ZNF503: variants seen among roughly 807,000 people sequenced by gnomAD.
ZNF503 encodes zinc finger protein 503.
In ZNF503, 15 loss-of-function variants were observed where a neutral mutation model predicts 34.4. That is an observed-to-expected ratio of 0.44 (90% confidence interval 0.29 to 0.67). ZNF503 has a LOEUF of 0.67. ZNF503 is among the 30% of genes least tolerant of loss of function. The pLI is 0.13. For synonymous variants in ZNF503, 580 were observed against 456.8 expected, an observed-to-expected ratio of 1.27 and a Z score of -3.44; for missense variants, 1,007 against 926.8, an observed-to-expected ratio of 1.09 and a Z score of -1.12.
the ZNF503 span, among the ~76,000 whole-genome samples, chr10:75,347,613 GC>G: frequency 2.6e-5 from 4 of 152,210 alleles, no homozygotes; most frequent in African/African-American, 9.7e-5. Context: ...GGGGGGCCCA[GC>G]CCCAGCCTTC....
the ZNF503 span, among the ~76,000 whole-genome samples, chr10:75,310,383 A>C: frequency 6.6e-6 from 1 of 152,216 alleles, no homozygotes; most frequent in African/African-American, 2.4e-5. Flanking sequence ...AAGAGCGTAG[A>C]CTAAAAACAA....
At chr10:75,335,905 C>A in the ZNF503 span, among the ~76,000 whole-genome samples, 1 of 152,178 alleles carries the variant, frequency 6.6e-6, no homozygotes, top group Non-Finnish European at 1.5e-5. Context: ...TCCTTCCAGA[C>A]CTTTTGCTGA....
the ZNF503 span, among the ~76,000 whole-genome samples, chr10:75,312,535 G>A: frequency 7.2e-5 from 11 of 152,142 alleles, no homozygotes; most frequent in African/African-American, 2.4e-4. Context: ...GTAAGGAAAG[G>A]AGAAAGAGAG....
the ZNF503 span, among the ~76,000 whole-genome samples, chr10:75,387,917 C>T: frequency 6.6e-6 from 1 of 152,136 alleles, no homozygotes; most frequent in Non-Finnish European, 1.5e-5. Flanking sequence ...AGATGGGCTG[C>T]CAGAATCATC....
At chr10:75,311,027 G>A in the ZNF503 span, among the ~76,000 whole-genome samples, 1 of 152,176 alleles carries the variant, frequency 6.6e-6, no homozygotes, top group African/African-American at 2.4e-5. Flanking sequence ...AGAACTAATA[G>A]GATAGATGTA....
chr10:75,323,862 C>T, the ZNF503 span, among the ~76,000 whole-genome samples: 89 of 152,000 alleles, frequency 5.9e-4, no homozygotes, highest in African/African-American at 2.0e-3. Flanking sequence ...ATTAGCCGGG[C>T]ATGGTGGTGT....
At chr10:75,395,858 A>C (rs1187201051), downstream of ZNF503, among the ~76,000 whole-genome samples, 2 of 152,224 alleles carry the variant, frequency 1.3e-5, no homozygotes, top group African/African-American at 2.4e-5. This position sits in a 1 kb window ranked among gnomAD's most constrained non-coding sequence, Gnocchi z 4.4. Flanking sequence ...AAGAAGGGGC[A>C]TGAAGGCACG....
chr10:75,346,307 C>T, the ZNF503 span, among the ~76,000 whole-genome samples: 1 of 152,202 alleles, frequency 6.6e-6, no homozygotes, highest in South Asian at 2.1e-4. Flanking sequence ...TTAAATAGAT[C>T]CCTATGCTTG....
the ZNF503 span, among the ~76,000 whole-genome samples, chr10:75,329,419 C>T: frequency 0.05 from 3,526 of 70,736 alleles, 67 homozygotes; most frequent in Middle Eastern, 0.091. Context: ...CCTTCCTTTC[C>T]TTCCTTCCTT....
the ZNF503 span, among the ~76,000 whole-genome samples, chr10:75,292,660 G>T: frequency 1.3e-5 from 2 of 152,182 alleles, no homozygotes; most frequent in East Asian, 1.9e-4. Context: ...CAGGAAGATG[G>T]GATAGAATGA....
chr10:75,360,603 G>GTCTTTCTTCCCCCA, the ZNF503 span: 1 of 152,332 alleles, frequency 6.6e-6, no homozygotes, highest in Non-Finnish European at 1.5e-5. Flanking sequence ...GATTGCTACT[G>GTCTTTCTTCCCCCA]TCTTTCTTCC....
the ZNF503 span, among the ~76,000 whole-genome samples, chr10:75,362,806 G>A: frequency 6.6e-6 from 1 of 152,166 alleles, no homozygotes; most frequent in South Asian, 2.1e-4. Context: ...GGCCCTGTGC[G>A]AGGGTGGGGG....
chr10:75,369,464 G>A, the ZNF503 span, among the ~76,000 whole-genome samples: 5 of 152,182 alleles, frequency 3.3e-5, no homozygotes, highest in South Asian at 2.1e-4. Flanking sequence ...CCCTTCACTC[G>A]GCTCTCACAC....
the ZNF503 span, among the ~76,000 whole-genome samples, chr10:75,354,848 T>A: frequency 6.7e-6 from 1 of 149,912 alleles, no homozygotes; most frequent in African/African-American, 2.4e-5. Context: ...TTTGTTTTGT[T>A]TTGTTTTGTT....
chr10:75,388,228 C>T, the ZNF503 span, among the ~76,000 whole-genome samples: 1 of 152,180 alleles, frequency 6.6e-6, no homozygotes, highest in African/African-American at 2.4e-5. Flanking sequence ...CAGGTGGGGC[C>T]AGTGGTGAGC....
At chr10:75,340,360 A>G in the ZNF503 span, among the ~76,000 whole-genome samples, 1 of 152,228 alleles carries the variant, frequency 6.6e-6, no homozygotes, top group African/African-American at 2.4e-5. Flanking sequence ...GGGCAGTATC[A>G]AAGTCTTAAA....
the ZNF503 span, among the ~76,000 whole-genome samples, chr10:75,301,058 A>C: frequency 1.3e-5 from 2 of 151,138 alleles, no homozygotes; most frequent in Non-Finnish European, 2.9e-5. Flanking sequence ...TAATATAGCC[A>C]CTCTAGCTCT....
Position 75,398,761 on chromosome 10 carries a change from C to T in ZNF503, c.1929G>A (p.Leu643=). ...YGQRLTTASA[L]GYQ is the part of the protein sequence containing the mutation. Reference sequence around the variant, plus strand: ...CTCCCGGCCGCCCTCACTGATACCCCAGCGCCGAGGCGGTGGTCAGTCTCT... The same window carrying T: ...CTCCCGGCCGCCCTCACTGATACCCTAGCGCCGAGGCGGTGGTCAGTCTCT... Residue 643 remains leucine, a synonymous_variant, in exon 2 of 2, where the codon CTG becomes CTA. Transcript: ENST00000372524. The T allele has an allele frequency of 7.1e-7, 1 of 1,410,654 alleles. No individual in the cohort carries two copies. Among genetic ancestry groups the T allele is most frequent in the Non-Finnish European group, 9.2e-7 (1 of 1,086,710 alleles). 87.4% of individuals were successfully genotyped at this position (1,410,654 alleles called of 1,614,324 possible).
chr10:75,280,770 T>C, the ZNF503 span, among the ~76,000 whole-genome samples: 2 of 152,100 alleles, frequency 1.3e-5, no homozygotes, highest in Admixed American at 1.3e-4. Flanking sequence ...AGCATTTGTA[T>C]GACAGGAGAG....
Sources: gnomAD v4.1 joint callset for allele counts (sites outside exome capture counted in the v4.1 genomes callset) on GRCh38, gnomAD v4.1.1 for gene constraint, Gnocchi (gnomAD v3.1) non-coding constraint, MANE v1.5 for transcripts, NCBI Gene and HGNC (gene_info 2026-07-23, HGNC 2026-07-21) for gene names.